The following PCTP variants were observed in gnomAD, a reference collection of about 807,000 sequenced individuals.
PCTP encodes START domain-containing protein 2.
Under a neutral mutation model 31.0 loss-of-function variants are expected in PCTP, and 27 were observed. That is an observed-to-expected ratio of 0.87 (90% CI 0.64 to 1.20). The LOEUF (loss-of-function observed/expected upper bound fraction) is 1.20. PCTP is among the 50% of genes most tolerant of loss of function. The pLI is 0.00. For missense variants in PCTP, 287 were observed against 268.2 expected (o/e 1.07, Z -0.49); for synonymous variants, 108 against 101.2 (o/e 1.07, Z -0.40).
intron 3 of PCTP, among the ~76,000 whole-genome samples, chr17:55,820,281 C>T (rs79055305): frequency 0.027 from 4,086 of 152,270 alleles, 186 homozygotes; most frequent in African/African-American, 0.094. Context: ...TGATAAGGGG[C>T]ATTCCTGTTG....
intron 5 of PCTP, among the ~76,000 whole-genome samples, chr17:55,835,722 C>T (rs1905755706): frequency 6.6e-6 from 1 of 152,194 alleles, no homozygotes; most frequent in South Asian, 2.1e-4. Context: ...AAACCCCCAT[C>T]AGGCTCTCCT....
At chr17:55,839,615 A>G (rs1016374105) in intron 5 of PCTP, among the ~76,000 whole-genome samples, 14 of 152,314 alleles carry the variant, frequency 9.2e-5, no homozygotes, top group Admixed American at 4.6e-4. Context: ...TAAGAAGTCA[A>G]AGGTTTGGTG....
chr17:55,848,347 G>A, the PCTP span, among the ~76,000 whole-genome samples: 96 of 152,220 alleles, frequency 6.3e-4, no homozygotes, highest in Non-Finnish European at 1.3e-4. Flanking sequence ...CTTACAGTGA[G>A]AGATAGTACC....
downstream of PCTP, among the ~76,000 whole-genome samples, chr17:55,826,951 T>A (rs1905416829): frequency 6.6e-6 from 1 of 152,126 alleles, no homozygotes; most frequent in South Asian, 2.1e-4. Context: ...TAAGATTTTT[T>A]GTTTGTTGTT....
intron 1 of PCTP, among the ~76,000 whole-genome samples, chr17:55,758,389 G>C (rs1479742513): frequency 6.6e-6 from 1 of 152,130 alleles, no homozygotes; most frequent in East Asian, 1.9e-4. Context: ...GGGCAGGCTG[G>C]GCTGAGAGAA....
At chr17:55,834,950 G>A (rs890319713) in intron 5 of PCTP, among the ~76,000 whole-genome samples, 1 of 152,174 alleles carries the variant, frequency 6.6e-6, no homozygotes, top group African/African-American at 2.4e-5. Flanking sequence ...CAGATGTAAT[G>A]AGTTAAGATA....
intron 1 of PCTP, among the ~76,000 whole-genome samples, chr17:55,757,850 T>C (rs1404395337): frequency 6.6e-6 from 1 of 152,052 alleles, no homozygotes; most frequent in African/African-American, 2.4e-5. Flanking sequence ...TGAGATGCAA[T>C]GGAAATTGAA....
At chr17:55,809,267 G>C (rs1171511833) in intron 3 of PCTP, among the ~76,000 whole-genome samples, 2 of 152,096 alleles carry the variant, frequency 1.3e-5, no homozygotes, top group African/African-American at 4.8e-5. Context: ...TATAAATTTA[G>C]ATTGAGTTGA....
intron 3 of PCTP, among the ~76,000 whole-genome samples, chr17:55,807,548 A>G (rs982995238): frequency 3.9e-5 from 6 of 152,198 alleles, no homozygotes; most frequent in Non-Finnish European, 8.8e-5. Flanking sequence ...TATATAAAAC[A>G]GTAAATCTCT....
At chr17:55,763,977 C>T (rs891018080) in intron 1 of PCTP, among the ~76,000 whole-genome samples, 14 of 152,150 alleles carry the variant, frequency 9.2e-5, no homozygotes, top group African/African-American at 3.4e-4. Context: ...TCAGTTCTGC[C>T]TCGAAGGGAA....
chr17:55,775,486 T>G (rs1911277795), intron 5 of PCTP: 9 of 1,210,780 alleles, frequency 7.4e-6, no homozygotes, highest in Non-Finnish European at 9.3e-6. Flanking sequence ...AAATCCTGGC[T>G]CTGCTACTGA....
chr17:55,830,320 T>C (rs149483635), intron 5 of PCTP, among the ~76,000 whole-genome samples: 3 of 152,304 alleles, frequency 2.0e-5, no homozygotes, highest in African/African-American at 7.2e-5. Context: ...GTTATCTGTT[T>C]TGTTTTTCTG....
chr17:55,800,151 A>G (rs1184893220), intron 3 of PCTP, among the ~76,000 whole-genome samples: 2 of 152,104 alleles, frequency 1.3e-5, no homozygotes, highest in African/African-American at 2.4e-5. Context: ...TCTCCTGGAT[A>G]ATATCCTGCA....
downstream of PCTP, among the ~76,000 whole-genome samples, chr17:55,827,421 A>G (rs1905435944): frequency 6.6e-6 from 1 of 152,256 alleles, no homozygotes; most frequent in Non-Finnish European, 1.5e-5. Context: ...AAGCTCAGCT[A>G]AATTCAGTTA....
intron 1 of PCTP, among the ~76,000 whole-genome samples, chr17:55,767,080 T>C (rs1272193434): frequency 2.0e-5 from 3 of 152,240 alleles, no homozygotes; most frequent in Admixed American, 6.5e-5. Flanking sequence ...GTATCTGTTC[T>C]TGTCCTTCAC....
chr17:55,762,285 G>T (rs191675613), intron 1 of PCTP, among the ~76,000 whole-genome samples: 2 of 152,248 alleles, frequency 1.3e-5, no homozygotes, highest in East Asian at 1.9e-4. Flanking sequence ...TTGATCAGTG[G>T]GGGTGGGCAG....
Position 55,776,269 on chromosome 17 carries a change from A to G in PCTP, c.*169A>G, listed in dbSNP as rs928476300. 2.9e-6 allele frequency: 4 copies of G among 1,390,860 alleles called. No individual in the cohort carries two copies. The highest frequency in any genetic ancestry group is 2.9e-5 in the African/African-American group (2 of 68,166). 86.2% of individuals were successfully genotyped at this position (1,390,860 alleles called of 1,614,324 possible). On this transcript the variant is annotated 3_prime_UTR_variant, in exon 6 of 6. Coordinates refer to ENST00000268896, the MANE Select transcript of PCTP (RefSeq NM_021213.4). ...TTCTGTCTTCAGAGGCCTACACACT[A>G]CCACATCCTTTCTAAGCATGTTTGC...
chr17:55,830,048 CTTG>C (rs68130036), intron 5 of PCTP, among the ~76,000 whole-genome samples: 8,112 of 152,224 alleles, frequency 0.053, 208 homozygotes, highest in African/African-American at 0.059. Flanking sequence ...ATTTATATTA[CTTG>C]AATTCTGTTG....
Position 55,777,128 on chromosome 17 carries a change from T to G in PCTP, c.*1028T>G. On this transcript the variant is annotated 3_prime_UTR_variant, in exon 6 of 6. Coordinates refer to ENST00000268896, the MANE Select transcript of PCTP (RefSeq NM_021213.4). The stretch of plus-strand genomic sequence containing the variant: ...CCTTTTCTACCACCAAAAAGACTTT[T>G]AGTTTTCTATGCTTTCTCCTGAATT... 1.0e-6 allele frequency: 1 copy of G among 985,876 alleles called. No homozygotes were observed. The highest frequency in any genetic ancestry group is 1.2e-6 in the Non-Finnish European group (1 of 829,930). The allele number at this position is 985,876 out of a possible 1,614,324, so 61.1% of individuals were successfully genotyped here. A position where few individuals can be genotyped will look rare whatever the true frequency, so the allele number is the denominator to read the frequency against.
Sources: gnomAD v4.1 joint callset for allele counts (sites outside exome capture counted in the v4.1 genomes callset) on GRCh38, gnomAD v4.1.1 for gene constraint, MANE v1.5 for transcripts, NCBI Gene and HGNC (gene_info 2026-07-23, HGNC 2026-07-21) for gene names.